The following GPAT3 variants were observed in gnomAD, a reference collection of about 807,000 sequenced individuals.
The protein encoded by GPAT3 is glycerol-3-phosphate acyltransferase 3, also known as 1-AGP acyltransferase 9.
GPAT3 carries 53 observed loss-of-function variants against 58.8 expected under a neutral mutation model. That is an observed-to-expected ratio of 0.90 (90% CI 0.72 to 1.13). The LOEUF (loss-of-function observed/expected upper bound fraction) is 1.13, where lower values mean the gene tolerates loss of function less well. Among genes scored for constraint, GPAT3 ranks in the 50% most tolerant of loss-of-function variants. The probability of loss-of-function intolerance (pLI) is 0.00; values close to 1 mark genes in which losing one functional copy is unlikely to be tolerated. For missense variants in GPAT3, 511 were observed against 527.6 expected (o/e 0.97, Z 0.31); for synonymous variants, 197 against 187.4 (o/e 1.05, Z -0.42).
chr4:83,553,566 T>A (rs1381759293), intron 2 of GPAT3, among the ~76,000 whole-genome samples: 1 of 152,076 alleles, frequency 6.6e-6, no homozygotes, highest in East Asian at 1.9e-4. Context: ...ATCTCAGAGT[T>A]GTGGAGGTTT....
intron 6 of GPAT3, among the ~76,000 whole-genome samples, chr4:83,590,850 C>A (rs534607515): frequency 8.6e-5 from 13 of 150,644 alleles, no homozygotes; most frequent in Admixed American, 8.6e-4. Context: ...CATCTCAAAA[C>A]AGCCTTTCTT....
chr4:83,545,782 G>A (rs1724484255), intron 2 of GPAT3, among the ~76,000 whole-genome samples: 1 of 151,662 alleles, frequency 6.6e-6, no homozygotes, highest in Admixed American at 6.6e-5. Flanking sequence ...AAATTATTCT[G>A]GTTCATTAAA....
Position 83,543,450 on chromosome 4 carries a change from T to C in GPAT3, c.142-1086T>C, listed in dbSNP as rs998911384. On this transcript the variant is annotated intron_variant, in intron 1 of 11. Transcript: ENST00000264409. ...TGTAAAAAATGTATAAAGAAAAAAA[T>C]AAAAAAATCACATCTGGGTACGTTT... Among the ~76,000 whole-genome samples the C allele has an allele frequency of 3.3e-5, 5 of 151,992 alleles. 1 individual carries two copies. The highest frequency in any genetic ancestry group is 2.0e-4 in the Admixed American group (3 of 15,266).
At chr4:83,538,295 C>G (rs1578154471) in intron 1 of GPAT3, among the ~76,000 whole-genome samples, 1 of 152,158 alleles carries the variant, frequency 6.6e-6, no homozygotes, top group Non-Finnish European at 1.5e-5. Flanking sequence ...ATTCTTCATC[C>G]TCAGTGCTCA....
intron 1 of GPAT3, among the ~76,000 whole-genome samples, chr4:83,538,943 T>C (rs1181053883): frequency 6.6e-6 from 1 of 152,210 alleles, no homozygotes; most frequent in Admixed American, 6.5e-5. Flanking sequence ...TGAATACAGA[T>C]TCATTGTGTG....
intron 1 of GPAT3, among the ~76,000 whole-genome samples, chr4:83,538,690 T>C (rs1280930776): frequency 6.6e-6 from 1 of 152,158 alleles, no homozygotes; most frequent in Non-Finnish European, 1.5e-5. Context: ...TTATACCTGA[T>C]AGGATGATCT....
chr4:83,587,236 CCT>C lies in GPAT3; in HGVS notation c.480-14_480-13del, dbSNP rs780447769. 3.4e-5 allele frequency: 54 copies of C among 1,605,240 alleles called. No individual in the cohort carries two copies. Among genetic ancestry groups the C allele is most frequent in the East Asian group, 4.5e-5 (2 of 44,732 alleles). Reference sequence around the variant, plus strand: ...GCTATGTGTCAAAATCTTATATGGCCCTCTCTTTTCTTTTTCAGGGTTACCTT... The same window carrying C: ...GCTATGTGTCAAAATCTTATATGGCCCTCTTTTCTTTTTCAGGGTTACCTT... On this transcript the variant is annotated splice_polypyrimidine_tract_variant and intron_variant, in intron 3 of 11. Transcript: ENST00000264409.
intron 2 of GPAT3, among the ~76,000 whole-genome samples, chr4:83,571,953 G>C (rs779013342): frequency 1.6e-4 from 25 of 151,966 alleles, no homozygotes; most frequent in African/African-American, 6.0e-4. Flanking sequence ...TGTGTTTTTT[G>C]TAGAGACGGG....
In GPAT3 at chr4:83,594,640, C is replaced by T. The variant is rs143475365; in HGVS notation, c.739-205C>T. 6.9e-3 allele frequency among the ~76,000 whole-genome samples: 1,048 copies of T among 152,298 alleles called. 11 individuals are homozygous for T. The highest frequency in any genetic ancestry group is 0.024 in the African/African-American group (989 of 41,564). Reference sequence around the variant, plus strand: ...AGTTAGAGGATTGCTAGCACAGCAACGTAACTTAAAATTCAAAGGTGCTAC... The same window carrying T: ...AGTTAGAGGATTGCTAGCACAGCAATGTAACTTAAAATTCAAAGGTGCTAC... On this transcript the variant is annotated intron_variant, in intron 6 of 11. Coordinates refer to ENST00000264409, the MANE Select transcript of GPAT3 (RefSeq NM_032717.5).
In GPAT3 at chr4:83,581,599, G is replaced by A; in HGVS notation, c.246G>A (p.Gly82=). ...IQRDESPMEK[G]LSGLRGRDFE... is the part of the protein sequence containing the mutation. Reference sequence around the variant, plus strand: ...GAGATGAGTCACCCATGGAAAAAGGGCTCTCTGGTCTACGAGGAAGGGACT... The same window carrying A: ...GAGATGAGTCACCCATGGAAAAAGGACTCTCTGGTCTACGAGGAAGGGACT... The change falls in exon 3 of 12, where the codon GGG becomes GGA. Residue 82 remains glycine (G), a synonymous_variant. Coordinates refer to ENST00000264409, the MANE Select transcript of GPAT3 (RefSeq NM_032717.5). The A allele has an allele frequency of 1.2e-6, 2 of 1,614,114 alleles. No individual in the cohort carries two copies. The highest frequency in any genetic ancestry group is 2.2e-5 in the South Asian group (2 of 91,080).
chr4:83,587,255 G>T lies in GPAT3; in HGVS notation c.480G>T (p.Arg160Ser). The T allele has an allele frequency of 6.2e-7, 1 of 1,612,894 alleles. No homozygotes were observed. The highest frequency in any genetic ancestry group is 8.5e-7 in the Non-Finnish European group (1 of 1,179,618). The change falls in exon 4 of 12, where the codon AGG (arginine) becomes AGT (serine). Residue 160 changes from arginine (R) to serine (S), a missense_variant and splice_region_variant. By Grantham distance (110) the Arg-to-Ser change is moderately radical. Coordinates refer to ENST00000264409, the MANE Select transcript of GPAT3 (RefSeq NM_032717.5). ...TATGGCCCTCTCTTTTCTTTTTCAG[G>T]GTTACCTTGGCTTTCATTGGGATCA... ...IVRYCVLLPL[R>S]VTLAFIGISL...
intron 2 of GPAT3, among the ~76,000 whole-genome samples, chr4:83,562,757 G>C (rs985861772): frequency 1.3e-5 from 2 of 151,730 alleles, no homozygotes; most frequent in African/African-American, 4.9e-5. Flanking sequence ...AAGAGAATAA[G>C]AGCAGAGAAA....
At chr4:83,554,988 G>C (rs1724897564) in intron 2 of GPAT3, among the ~76,000 whole-genome samples, 1 of 151,964 alleles carries the variant, frequency 6.6e-6, no homozygotes, top group Admixed American at 6.6e-5. Flanking sequence ...ATTTTTAGTA[G>C]AGACTGGGTT....
chr4:83,593,166 C>CTTTTTTTTTTT lies in GPAT3; in HGVS notation c.739-1672_739-1662dup, dbSNP rs761351611. Among the ~76,000 whole-genome samples, 121 of 112,358 alleles carry CTTTTTTTTTTT rather than the reference C, an allele frequency of 1.1e-3. 3 individuals are homozygous for CTTTTTTTTTTT. The highest frequency in any genetic ancestry group is 6.3e-3 in the Middle Eastern group (1 of 160). 73.7% of individuals were successfully genotyped at this position (112,358 alleles called of 152,430 possible). The stretch of plus-strand genomic sequence containing the variant: ...ACAGGTGTGAGCCACCGAGCCAGGA[C>CTTTTTTTTTTT]TTTTTTTTTTTTTTTTTAAACATAG... On this transcript the variant is annotated intron_variant, in intron 6 of 11. Transcript: ENST00000264409.
At chr4:83,544,415 C>A in intron 1 of GPAT3, 121 bp from the exon 2 acceptor site, 1 of 962,748 alleles carries the variant, frequency 1.0e-6, no homozygotes, top group Non-Finnish European at 1.7e-6. Context: ...CTGGGGTTAG[C>A]TCTTTAGTTC....
chr4:83,549,444 CGT>C (rs142294690), intron 2 of GPAT3, among the ~76,000 whole-genome samples: 1,969 of 145,718 alleles, frequency 0.014, 42 homozygotes, highest in African/African-American at 0.035. Flanking sequence ...TTTTATTTTG[CGT>C]GTGTGTGTGT....
At chr4:83,589,752 C>T (rs1459922486) in intron 5 of GPAT3, among the ~76,000 whole-genome samples, 1 of 152,050 alleles carries the variant, frequency 6.6e-6, no homozygotes, top group African/African-American at 2.4e-5. Flanking sequence ...TAGAGATCAC[C>T]TTTTAAAGAT....
chr4:83,581,338 T>A (rs1726116722), intron 2 of GPAT3, among the ~76,000 whole-genome samples: 1 of 152,044 alleles, frequency 6.6e-6, no homozygotes, highest in Non-Finnish European at 1.5e-5. Flanking sequence ...CCCCTCTTTA[T>A]AATTAACAAA....
In GPAT3 at chr4:83,590,222, G is replaced by A. The variant is rs376674319; in HGVS notation, c.668G>A (p.Gly223Asp). 18 of 1,613,882 alleles carry A rather than the reference G, an allele frequency of 1.1e-5. No individual in the cohort carries two copies. The African/African-American group carries it at 1.3e-4, about 12-fold the overall frequency. Residue 223 changes from glycine (G) to aspartate (D), a missense_variant, in exon 6 of 12, where the codon GGC (glycine) becomes GAC (aspartate). Transcript: ENST00000264409. ...HNKQYRPQKG[G>D]ICVANHTSPI... ...AGGCAGTACAGACCCCAGAAGGGAG[G>A]CATTTGTGTTGCCAACCATACTTCC...
Sources: gnomAD v4.1 joint callset for allele counts (sites outside exome capture counted in the v4.1 genomes callset) on GRCh38, gnomAD v4.1.1 for gene constraint, MANE v1.5 for transcripts, NCBI Gene and HGNC (gene_info 2026-07-23, HGNC 2026-07-21) for gene names.